Variants in ADAMTS3 observed in about 807,000 individuals in gnomAD.
The protein encoded by ADAMTS3 is ADAM metallopeptidase with thrombospondin type 1 motif 3, also known as A disintegrin and metalloproteinase with thrombospondin motifs 3.
Under a neutral mutation model 129.0 loss-of-function variants are expected in ADAMTS3, and 73 were observed. The ratio of observed to expected loss-of-function variants is 0.57; its 90% confidence interval spans 0.47 to 0.69. ADAMTS3 has a LOEUF of 0.69. Among genes scored for constraint, ADAMTS3 ranks in the 30% least tolerant of loss-of-function variants. ADAMTS3 has a pLI of 0.00. For synonymous variants in ADAMTS3, 477 were observed against 510.8 expected, an observed-to-expected ratio of 0.93 and a Z score of 0.89; for missense variants, 1,457 against 1,514.5, an observed-to-expected ratio of 0.96 and a Z score of 0.63.
chr4:72,308,220 G>T (rs1250930484), intron 15 of ADAMTS3, among the ~76,000 whole-genome samples: 1 of 151,852 alleles, frequency 6.6e-6, no homozygotes, highest in African/African-American at 2.4e-5. Context: ...CAATCAGTCA[G>T]AAATAGCAAT....
intron 4 of ADAMTS3, among the ~76,000 whole-genome samples, chr4:72,381,459 T>C (rs901391484): frequency 3.9e-5 from 6 of 152,118 alleles, no homozygotes; most frequent in Middle Eastern, 3.2e-3. Context: ...GAAAATAATC[T>C]ACATGGATCA....
At chr4:72,566,377 G>A (rs1038854848) in intron 2 of ADAMTS3, among the ~76,000 whole-genome samples, 2 of 152,092 alleles carry the variant, frequency 1.3e-5, no homozygotes, top group Non-Finnish European at 2.9e-5. Context: ...TCTAACATAG[G>A]CACAATAGTA....
intron 3 of ADAMTS3, among the ~76,000 whole-genome samples, chr4:72,417,767 A>G (rs917112407): frequency 1.3e-5 from 2 of 151,490 alleles, no homozygotes; most frequent in African/African-American, 4.9e-5. Flanking sequence ...TGTCTCTACT[A>G]AAAATACAAA....
intron 3 of ADAMTS3, among the ~76,000 whole-genome samples, chr4:72,515,945 T>C (rs77890791): frequency 0.65 from 98,482 of 151,384 alleles, 32,626 homozygotes; most frequent in African/African-American, 0.79. Flanking sequence ...GCCTAGGTTT[T>C]CTTCTAGGGT....
At chr4:72,357,100 T>C (rs1441406576) in intron 4 of ADAMTS3, among the ~76,000 whole-genome samples, 2 of 151,884 alleles carry the variant, frequency 1.3e-5, no homozygotes, top group Non-Finnish European at 2.9e-5. Flanking sequence ...CCCACTACAA[T>C]GGCTGGAAGA....
intron 20 of ADAMTS3, among the ~76,000 whole-genome samples, chr4:72,290,517 G>A (rs1010419966): frequency 6.6e-6 from 1 of 152,160 alleles, no homozygotes; most frequent in African/African-American, 2.4e-5. Context: ...GAAAGAATAA[G>A]AGGAGTTAGT....
At position 72,288,790 on chromosome 4, in the gene ADAMTS3, G is replaced by A. The variant is rs1450180016; in HGVS notation, c.3010C>T (p.Pro1004Ser). 1 of 1,613,920 alleles carries A rather than the reference G, an allele frequency of 6.2e-7. No individual in the cohort carries two copies. The highest frequency in any genetic ancestry group is 8.5e-7 in the Non-Finnish European group (1 of 1,179,930). Residue 1004 changes from proline (P) to serine (S), a missense_variant, in exon 21 of 22, where the codon CCT (proline) becomes TCT (serine). By Grantham distance (74) the Pro-to-Ser change is moderately conservative. Coordinates refer to ENST00000286657, the MANE Select transcript of ADAMTS3 (RefSeq NM_014243.3). ...AGTTGACAGGCTCTGACCGACTCAG[G>A]CTTTTCACCATCACAGTGGTCCCCA... ...RAGDHCDGEKPESVRACQLPP... is the reference protein window; with the variant it reads ...RAGDHCDGEKSESVRACQLPP...
intron 4 of ADAMTS3, among the ~76,000 whole-genome samples, chr4:72,367,048 T>C (rs1182455712): frequency 6.6e-6 from 1 of 152,174 alleles, no homozygotes; most frequent in Non-Finnish European, 1.5e-5. Flanking sequence ...AATTATACTC[T>C]GTAATGAAAA....
intron 17 of ADAMTS3, among the ~76,000 whole-genome samples, chr4:72,299,464 T>C (rs1430982038): frequency 6.6e-6 from 1 of 152,234 alleles, no homozygotes; most frequent in East Asian, 1.9e-4. Flanking sequence ...CTTCAATATT[T>C]GTTTTCATTA....
chr4:72,408,266 T>C (rs1297927662), intron 4 of ADAMTS3, among the ~76,000 whole-genome samples: 4 of 151,990 alleles, frequency 2.6e-5, no homozygotes, highest in Non-Finnish European at 5.9e-5. Context: ...ACCCCATATA[T>C]CAGGAAGATG....
intron 3 of ADAMTS3, among the ~76,000 whole-genome samples, chr4:72,477,751 G>T (rs1173209439): frequency 2.0e-5 from 3 of 151,950 alleles, no homozygotes; most frequent in Non-Finnish European, 4.4e-5. Flanking sequence ...ATGAATCCAG[G>T]AGCTGGTTTT....
intron 19 of ADAMTS3, among the ~76,000 whole-genome samples, chr4:72,293,929 TATTAATGATATGATAGCAAAA>T (rs1340317529): frequency 6.6e-6 from 1 of 152,082 alleles, no homozygotes; most frequent in African/African-American, 2.4e-5. Flanking sequence ...ATCTCTTGAA[TATTAATGATATGATAGCAAAA>T]ATGAAAGGTT....
chr4:72,458,536 T>C (rs1267324139), intron 3 of ADAMTS3, among the ~76,000 whole-genome samples: 1 of 151,528 alleles, frequency 6.6e-6, no homozygotes, highest in East Asian at 2.0e-4. Flanking sequence ...GTTTTAAGAA[T>C]AGGGATGTTT....
intron 3 of ADAMTS3, among the ~76,000 whole-genome samples, chr4:72,502,222 T>C (rs1055825878): frequency 2.0e-5 from 3 of 152,132 alleles, no homozygotes; most frequent in African/African-American, 7.2e-5. Context: ...TTGTAGAATT[T>C]GGCTGTGAAT....
At chr4:72,506,864 C>G (rs919594685) in intron 3 of ADAMTS3, among the ~76,000 whole-genome samples, 10 of 152,272 alleles carry the variant, frequency 6.6e-5, no homozygotes, top group Admixed American at 3.3e-4. Context: ...TTCATGATTC[C>G]AGTGGATTCC....
rs750745718 is a variant in ADAMTS3 at position 72,283,612 on chromosome 4, C to T, written c.3142G>A (p.Glu1048Lys). Residue 1048 changes from glutamate (E) to lysine (K), a missense_variant, in exon 22 of 22, where the codon GAG (glutamate) becomes AAG (lysine). Coordinates refer to ENST00000286657, the MANE Select transcript of ADAMTS3 (RefSeq NM_014243.3). ...GTGCTACTGCGCTTGCTGCAGGACTCACAACATAACTTGTTATAACCTGGT... is the reference window on the plus strand; with the variant it reads ...GTGCTACTGCGCTTGCTGCAGGACTTACAACATAACTTGTTATAACCTGGT... ...SIPGYNKLCC[E>K]SCSKRSSTLP... 5.1e-5 allele frequency: 82 copies of T among 1,613,850 alleles called. 1 individual carries two copies. The South Asian group carries it at 8.7e-4, about 17-fold the overall frequency.
intron 3 of ADAMTS3, among the ~76,000 whole-genome samples, chr4:72,468,249 T>C (rs1269079233): frequency 6.6e-6 from 1 of 152,088 alleles, no homozygotes; most frequent in Non-Finnish European, 1.5e-5. Context: ...AGAATCTAAT[T>C]GGCAAAACTT....
At chr4:72,512,942 A>G (rs948193818) in intron 3 of ADAMTS3, among the ~76,000 whole-genome samples, 1 of 152,144 alleles carries the variant, frequency 6.6e-6, no homozygotes, top group Non-Finnish European at 1.5e-5. Context: ...AAATTTCTGC[A>G]TCCCCAATCA....
intron 4 of ADAMTS3, among the ~76,000 whole-genome samples, chr4:72,392,452 G>A (rs185144930): frequency 1.6e-3 from 250 of 152,120 alleles, no homozygotes; most frequent in African/African-American, 5.7e-3. Context: ...CAAAGTAGTG[G>A]GAATATTATA....
Sources: allele counts gnomAD v4.1 joint callset (sites outside exome capture counted in the v4.1 genomes callset), GRCh38; gene constraint gnomAD v4.1.1; transcripts MANE v1.5; gene names NCBI Gene and HGNC (gene_info 2026-07-23, HGNC 2026-07-21).